The following POU2F1 variants were observed in gnomAD, a reference collection of about 807,000 sequenced individuals.
The protein encoded by POU2F1 is POU domain, class 2, transcription factor 1.
Under a neutral mutation model 84.9 loss-of-function variants are expected in POU2F1, and 16 were observed. The ratio of observed to expected loss-of-function variants is 0.19; its 90% CI spans 0.13 to 0.29. The LOEUF (loss-of-function observed/expected upper bound fraction) is 0.29. Ranked by LOEUF, POU2F1 falls within the 10% of genes least tolerant of loss-of-function variation. The pLI is 1.00. For synonymous variants in POU2F1, 368 were observed against 368.3 expected (o/e 1.00, Z 0.01); for missense variants, 738 against 942.6 (o/e 0.78, Z 2.84).
intron 8 of POU2F1, among the ~76,000 whole-genome samples, chr1:167,384,301 C>T (rs1349507667): frequency 6.6e-6 from 1 of 152,140 alleles, no homozygotes; most frequent in African/African-American, 2.4e-5. Context: ...ACCCTTTACC[C>T]TTTCTCAGAA....
intron 1 of POU2F1, among the ~76,000 whole-genome samples, chr1:167,284,806 T>A (rs1189587520): frequency 6.6e-6 from 1 of 152,186 alleles, no homozygotes; most frequent in Non-Finnish European, 1.5e-5. Context: ...ACTTTCTACT[T>A]TTATATTATC....
chr1:167,405,391 A>T (rs933864712), intron 13 of POU2F1, among the ~76,000 whole-genome samples: 1 of 151,928 alleles, frequency 6.6e-6, no homozygotes, highest in African/African-American at 2.4e-5. Flanking sequence ...AAAAAAAAAA[A>T]TTCAGGCCAT....
intron 7 of POU2F1, among the ~76,000 whole-genome samples, chr1:167,377,792 G>C (rs182786072): frequency 3.0e-4 from 45 of 152,228 alleles, no homozygotes; most frequent in Middle Eastern, 3.4e-3. Flanking sequence ...TACCTGATAG[G>C]TAGTTTTTTC....
chr1:167,288,781 T>A (rs1006408965), intron 1 of POU2F1, among the ~76,000 whole-genome samples: 1 of 152,198 alleles, frequency 6.6e-6, no homozygotes, highest in Non-Finnish European at 1.5e-5. Context: ...GCCCCCTCCT[T>A]ACCAAGATCC....
chr1:167,347,820 TATA>T (rs1658299502), intron 2 of POU2F1, among the ~76,000 whole-genome samples: 1 of 152,206 alleles, frequency 6.6e-6, no homozygotes, highest in Non-Finnish European at 1.5e-5. Context: ...TTTAACTTAG[TATA>T]ATGTTTTCAA....
chr1:167,236,059 T>C (rs2102354689), intron 1 of POU2F1, among the ~76,000 whole-genome samples: 1 of 152,320 alleles, frequency 6.6e-6, no homozygotes, highest in East Asian at 1.9e-4. Flanking sequence ...CCTAGGTTGA[T>C]GAAAAACACT....
intron 7 of POU2F1, chr1:167,380,667 G>A (rs1255382340): frequency 6.6e-6 from 1 of 152,162 alleles, no homozygotes; most frequent in Non-Finnish European, 1.5e-5. Flanking sequence ...TCATGATGGA[G>A]GACAAAGATT....
chr1:167,233,360 A>G (rs1424904329), intron 1 of POU2F1, among the ~76,000 whole-genome samples: 1 of 149,938 alleles, frequency 6.7e-6, no homozygotes, highest in African/African-American at 2.5e-5. Flanking sequence ...CTGGTCTTCA[A>G]CTCCTGGACT....
In POU2F1 at chr1:167,422,560, A is replaced by G. The variant is rs894096205; in HGVS notation, c.*6750A>G. 1 of 152,248 alleles carries G rather than the reference A, an allele frequency of 6.6e-6. No individual in the cohort carries two copies. Among genetic ancestry groups the G allele is most frequent in the Non-Finnish European group, 1.5e-5 (1 of 68,046 alleles). 9.4% of individuals were successfully genotyped at this position (152,248 alleles called of 1,614,324 possible). On this transcript the variant is annotated 3_prime_UTR_variant, in exon 16 of 16. Transcript: ENST00000367866. ...AGGATTAGTTGGTGGGATTGAGGAG[A>G]GAATTATTCTTGGTGGGAACATGAA...
chr1:167,225,073 C>G (rs1648527070), intron 1 of POU2F1, among the ~76,000 whole-genome samples: 1 of 152,146 alleles, frequency 6.6e-6, no homozygotes, highest in Admixed American at 6.5e-5. Flanking sequence ...AAGGGATCCA[C>G]CCGCCTCGGC....
chr1:167,300,081 C>A (rs182526785), intron 1 of POU2F1, among the ~76,000 whole-genome samples: 1 of 152,240 alleles, frequency 6.6e-6, no homozygotes, highest in East Asian at 1.9e-4. Context: ...TACTACACAA[C>A]CATAAAAAGA....
chr1:167,329,013 C>A (rs962042639), intron 1 of POU2F1: 3 of 1,084,296 alleles, frequency 2.8e-6, no homozygotes, highest in African/African-American at 1.7e-5. Flanking sequence ...GTTGCCTTGA[C>A]AATGTCAGTC....
At chr1:167,367,577 CTTTTTA>C (rs563166771) in intron 3 of POU2F1, among the ~76,000 whole-genome samples, 81 of 152,132 alleles carry the variant, frequency 5.3e-4, no homozygotes, top group African/African-American at 1.9e-3. Flanking sequence ...ATGCTCTCTT[CTTTTTA>C]TTTTTAACTT....
intron 1 of POU2F1, among the ~76,000 whole-genome samples, chr1:167,245,662 C>T (rs1429094982): frequency 1.3e-5 from 2 of 152,124 alleles, no homozygotes; most frequent in African/African-American, 4.8e-5. Context: ...ATCCGCCCAC[C>T]TCAGCCTCCC....
chr1:167,315,727 C>T (rs933266794), intron 1 of POU2F1, among the ~76,000 whole-genome samples: 10 of 151,362 alleles, frequency 6.6e-5, no homozygotes, highest in Admixed American at 1.3e-4. Context: ...TCGATTGAGC[C>T]CAGGAGTTCA....
At chr1:167,316,067 A>G (rs1204722123) in intron 1 of POU2F1, among the ~76,000 whole-genome samples, 2 of 152,220 alleles carry the variant, frequency 1.3e-5, no homozygotes, top group Admixed American at 6.5e-5. Flanking sequence ...GGGATTAGAA[A>G]TAGCCAGAGG....
At chr1:167,231,147 T>C (rs933597212) in intron 1 of POU2F1, among the ~76,000 whole-genome samples, 3 of 152,254 alleles carry the variant, frequency 2.0e-5, no homozygotes, top group Admixed American at 2.0e-4. Context: ...AATAGCTTTC[T>C]GATCCTGAAT....
intron 7 of POU2F1, among the ~76,000 whole-genome samples, chr1:167,378,299 G>T (rs1015687453): frequency 6.6e-6 from 1 of 150,602 alleles, no homozygotes; most frequent in Non-Finnish European, 1.5e-5. Context: ...GCAATGGCAC[G>T]ATCTCGGCCC....
chr1:167,357,777 G>T (rs191836405), intron 2 of POU2F1, among the ~76,000 whole-genome samples: 67 of 149,230 alleles, frequency 4.5e-4, no homozygotes, highest in Non-Finnish European at 7.1e-4. Flanking sequence ...GCCCTTTATT[G>T]AACTTGGTGA....
Sources: allele counts gnomAD v4.1 joint callset (sites outside exome capture counted in the v4.1 genomes callset), GRCh38; gene constraint gnomAD v4.1.1; transcripts MANE v1.5; gene names NCBI Gene and HGNC (gene_info 2026-07-23, HGNC 2026-07-21).